The following TNR variants were observed in gnomAD, a reference collection of about 807,000 sequenced individuals.
TNR encodes the protein tenascin-R.
In TNR, 45 loss-of-function variants were observed where a neutral mutation model predicts 150.4. That is an observed-to-expected ratio of 0.30 (90% confidence interval 0.24 to 0.38). TNR has a LOEUF of 0.38. TNR is among the 10% of genes least tolerant of loss of function. The probability of loss-of-function intolerance (pLI) is 1.00; values close to 1 mark genes in which losing one functional copy is unlikely to be tolerated. For missense variants in TNR, 1,544 were observed against 1,759.1 expected (o/e 0.88, Z 2.19); for synonymous variants, 687 against 678.4 (o/e 1.01, Z -0.20).
intron 1 of TNR, among the ~76,000 whole-genome samples, chr1:175,667,444 C>G (rs1468822027): frequency 6.6e-6 from 1 of 152,214 alleles, no homozygotes; most frequent in Non-Finnish European, 1.5e-5. Context: ...AATAAATCAT[C>G]CCTTATTCAT....
chr1:175,649,563 G>A (rs972538512), intron 1 of TNR, among the ~76,000 whole-genome samples: 2 of 152,072 alleles, frequency 1.3e-5, no homozygotes. Flanking sequence ...CACAGAGCCC[G>A]GCACACAGAA....
At chr1:175,655,366 T>A (rs1268203578) in intron 1 of TNR, among the ~76,000 whole-genome samples, 1 of 152,216 alleles carries the variant, frequency 6.6e-6, no homozygotes, top group Non-Finnish European at 1.5e-5. Context: ...GTGAAAAAAA[T>A]TTATTTAATC....
chr1:175,337,414 G>A (rs1018764619), intron 19 of TNR, 114 bp downstream of exon 19: 3 of 1,255,166 alleles, frequency 2.4e-6, no homozygotes, highest in African/African-American at 1.5e-5. Context: ...GGACATGTGG[G>A]GGGTGATAAA....
intron 1 of TNR, among the ~76,000 whole-genome samples, chr1:175,556,034 T>C (rs1661145077): frequency 2.0e-5 from 3 of 152,250 alleles, no homozygotes; most frequent in South Asian, 4.1e-4. Flanking sequence ...GTAGAAATTA[T>C]TGAATTGAGG....
chr1:175,432,989 T>C (rs1479805823), intron 2 of TNR, among the ~76,000 whole-genome samples: 1 of 152,282 alleles, frequency 6.6e-6, no homozygotes, highest in South Asian at 2.1e-4. Context: ...CACCTGATAA[T>C]TGCACCCTTT....
intron 1 of TNR, among the ~76,000 whole-genome samples, chr1:175,554,262 C>T (rs1661061922): frequency 6.8e-6 from 1 of 147,222 alleles, no homozygotes; most frequent in South Asian, 2.1e-4. Context: ...TATCTCTAAA[C>T]TTGGGTTTGT....
intron 1 of TNR, among the ~76,000 whole-genome samples, chr1:175,642,309 A>T (rs1045925845): frequency 6.6e-6 from 1 of 152,184 alleles, no homozygotes; most frequent in Non-Finnish European, 1.5e-5. Flanking sequence ...AAACTTAGGA[A>T]ATAGCATATG....
chr1:175,467,677 T>C (rs1412735731), intron 2 of TNR, among the ~76,000 whole-genome samples: 2 of 152,064 alleles, frequency 1.3e-5, no homozygotes, highest in Non-Finnish European at 2.9e-5. Flanking sequence ...ATAGCTGCAC[T>C]GAACATACTG....
chr1:175,636,638 C>A (rs1246125224), intron 1 of TNR, among the ~76,000 whole-genome samples: 2 of 152,256 alleles, frequency 1.3e-5, no homozygotes, highest in Non-Finnish European at 2.9e-5. Context: ...CCCCTCAAAT[C>A]TGCCTGATTT....
intron 9 of TNR, among the ~76,000 whole-genome samples, chr1:175,374,097 T>C (rs1248141632): frequency 6.6e-6 from 1 of 152,224 alleles, no homozygotes; most frequent in African/African-American, 2.4e-5. Flanking sequence ...GTTGAAGGTC[T>C]GGTGCTGGGT....
intron 2 of TNR, among the ~76,000 whole-genome samples, chr1:175,441,851 G>A (rs1655800192): frequency 6.6e-6 from 1 of 152,178 alleles, no homozygotes; most frequent in Admixed American, 6.5e-5. Flanking sequence ...CATGAGGAAA[G>A]GCTTCTTAAA....
intron 1 of TNR, among the ~76,000 whole-genome samples, chr1:175,591,466 T>C (rs1662795403): frequency 6.6e-6 from 1 of 152,228 alleles, no homozygotes; most frequent in South Asian, 2.1e-4. Flanking sequence ...CTTCAGCACA[T>C]GCTGCTAGAT....
At chr1:175,697,342 T>C (rs1459966250) in intron 1 of TNR, among the ~76,000 whole-genome samples, 2 of 124,302 alleles carry the variant, frequency 1.6e-5, no homozygotes, top group East Asian at 3.7e-4. Context: ...AGCTCCTTTC[T>C]ACGTCTTTTT....
chr1:175,717,398 C>G (rs770587999), intron 1 of TNR, among the ~76,000 whole-genome samples: 1 of 152,076 alleles, frequency 6.6e-6, no homozygotes, highest in Non-Finnish European at 1.5e-5. Flanking sequence ...ACGCAATATA[C>G]CCAGGTGACA....
rs1225749726 is a variant in TNR, at chr1:175,316,919, G to A, written c.*6438C>T. On this transcript the variant is annotated 3_prime_UTR_variant, in exon 23 of 23. Transcript: ENST00000367674. ...AAGTGGCATCAAAGCCCCCTTGTAA[G>A]AATATTAGTAAAATCCAAGATGGTG... 6.6e-6 allele frequency: 1 copy of A among 152,154 alleles called. No homozygotes were observed. The highest frequency in any genetic ancestry group is 1.5e-5 in the Non-Finnish European group (1 of 68,018). 9.4% of individuals were successfully genotyped at this position (152,154 alleles called of 1,614,324 possible).
chr1:175,442,307 AC>A, intron 2 of TNR, among the ~76,000 whole-genome samples: 1 of 151,798 alleles, frequency 6.6e-6, no homozygotes, highest in Non-Finnish European at 1.5e-5. Context: ...GGACAAGACG[AC>A]CCCCCATCAG....
At chr1:175,451,479 G>A (rs201733237) in intron 2 of TNR, among the ~76,000 whole-genome samples, 1 of 92 alleles carries the variant, frequency 0.011, no homozygotes, top group Non-Finnish European at 0.022. Context: ...GAAGCCAGCC[G>A]CCAGCCTCCA....
intron 3 of TNR, among the ~76,000 whole-genome samples, 180 bp from the exon 4 acceptor site, chr1:175,403,796 G>C (rs1260327380): frequency 1.4e-4 from 21 of 152,232 alleles, no homozygotes. Flanking sequence ...AGCATGGGCT[G>C]TCTGTGCCTA....
At chr1:175,742,845 T>A (rs1336880225) in intron 1 of TNR, among the ~76,000 whole-genome samples, 1 of 151,932 alleles carries the variant, frequency 6.6e-6, no homozygotes, top group East Asian at 1.9e-4. Context: ...TTAAAGAAGG[T>A]GCACGACTAA....
Sources: gnomAD v4.1 joint callset for allele counts (sites outside exome capture counted in the v4.1 genomes callset) on GRCh38, gnomAD v4.1.1 for gene constraint, MANE v1.5 for transcripts, NCBI Gene and HGNC (gene_info 2026-07-23, HGNC 2026-07-21) for gene names.